MRLN: variants seen among roughly 807,000 people sequenced by gnomAD.
The protein encoded by MRLN is myoregulin, also known as Linc-RNA activator of myogenesis.
intron 1 of MRLN, among the ~76,000 whole-genome samples, chr10:59,741,105 T>C (rs559766391): frequency 6.6e-6 from 1 of 152,242 alleles, no homozygotes; most frequent in African/African-American, 2.4e-5. Context: ...GCCTATTTCT[T>C]TATTCTGAAA....
chr10:59,737,759 T>A (rs996029911), intron 2 of MRLN, among the ~76,000 whole-genome samples: 1 of 152,126 alleles, frequency 6.6e-6, no homozygotes, highest in African/African-American at 2.4e-5. Context: ...TCTGTATTAA[T>A]AAAACAGGTT....
intron 1 of MRLN, among the ~76,000 whole-genome samples, chr10:59,750,806 G>A (rs78151992): frequency 0.017 from 2,581 of 152,334 alleles, 65 homozygotes; most frequent in African/African-American, 0.053. Context: ...CCAACGCAGC[G>A]GTGCCAGCAG....
intron 1 of MRLN, among the ~76,000 whole-genome samples, chr10:59,740,320 C>T (rs374654219): frequency 6.6e-6 from 1 of 151,916 alleles, no homozygotes; most frequent in East Asian, 1.9e-4. Context: ...ATTGACTATA[C>T]TATACTTTTT....
intron 1 of MRLN, among the ~76,000 whole-genome samples, chr10:59,753,136 C>G (rs1439723688): frequency 6.6e-6 from 1 of 152,132 alleles, no homozygotes; most frequent in South Asian, 2.1e-4. Flanking sequence ...AAATCTAATT[C>G]ATTGGTCTCT....
chr10:59,745,767 T>C (rs1180435857), intron 1 of MRLN, among the ~76,000 whole-genome samples: 4 of 152,180 alleles, frequency 2.6e-5, no homozygotes, highest in Non-Finnish European at 5.9e-5. Context: ...CCCTGGTTTC[T>C]AGGAGCTGGA....
At chr10:59,745,112 TA>T (rs910161165) in intron 1 of MRLN, among the ~76,000 whole-genome samples, 19 of 146,234 alleles carry the variant, frequency 1.3e-4, no homozygotes, top group South Asian at 2.2e-4. Context: ...CAATAAATAC[TA>T]AAAAAAAAAT....
intron 1 of MRLN, among the ~76,000 whole-genome samples, chr10:59,751,846 T>C (rs1318099573): frequency 2.0e-5 from 3 of 152,060 alleles, no homozygotes; most frequent in Admixed American, 6.5e-5. Context: ...TCCAATCATA[T>C]TTCCTGAGTT....
intron 1 of MRLN, among the ~76,000 whole-genome samples, chr10:59,740,325 CT>C (rs1459077547): frequency 6.6e-6 from 1 of 151,924 alleles, no homozygotes; most frequent in Non-Finnish European, 1.5e-5. Flanking sequence ...CTATACTATA[CT>C]TTTTATTATT....
intron 1 of MRLN, among the ~76,000 whole-genome samples, chr10:59,746,148 C>G (rs2132592778): frequency 6.6e-6 from 1 of 152,270 alleles, no homozygotes; most frequent in South Asian, 2.1e-4. Flanking sequence ...ATCAGTCACA[C>G]TTCAAAAATA....
At chr10:59,744,528 T>TG (rs1381073713) in intron 1 of MRLN, among the ~76,000 whole-genome samples, 7 of 141,342 alleles carry the variant, frequency 5.0e-5, no homozygotes, top group East Asian at 4.4e-4. Flanking sequence ...GTCTGGGAGG[T>TG]GGGGGAGCGC....
intron 1 of MRLN, among the ~76,000 whole-genome samples, chr10:59,742,657 TCCTTCCTTC>T (rs1177179143): frequency 1.4e-5 from 2 of 146,618 alleles, no homozygotes; most frequent in Non-Finnish European, 3.1e-5. Context: ...TTTCCTTCCT[TCCTTCCTTC>T]CCTTCCTTCC....
Position 59,753,410 on chromosome 10 carries a change from T to C in MRLN, c.-181A>G, listed in dbSNP as rs2070188586. The C allele has an allele frequency of 6.6e-6, 1 of 152,120 alleles. No individual in the cohort carries two copies. The highest frequency in any genetic ancestry group is 6.5e-5 in the Admixed American group (1 of 15,274). The allele number at this position is 152,120 out of a possible 1,614,324, so 9.4% of individuals were successfully genotyped here. On this transcript the variant is annotated 5_prime_UTR_variant, in exon 1 of 3. Transcript: ENST00000414264. ...TCAAGGGAATGATCTCTCTCTTTTA[T>C]GAAAAACACCATATGGTCTTGGTGG...
chr10:59,742,075 C>T (rs531378969), intron 1 of MRLN, among the ~76,000 whole-genome samples: 1 of 152,322 alleles, frequency 6.6e-6, no homozygotes. Context: ...CTTATAACCA[C>T]CCATTACACT....
intron 1 of MRLN, among the ~76,000 whole-genome samples, chr10:59,749,736 C>T (rs1841079948): frequency 6.6e-6 from 1 of 151,818 alleles, no homozygotes; most frequent in African/African-American, 2.4e-5. Context: ...CAGCATGCTG[C>T]CTGACACTCA....
chr10:59,751,143 G>A (rs973140160), intron 1 of MRLN, among the ~76,000 whole-genome samples: 6 of 152,158 alleles, frequency 3.9e-5, no homozygotes, highest in African/African-American at 1.4e-4. Flanking sequence ...CAAGCTGATT[G>A]TTCTTTGGAG....
chr10:59,741,525 G>A (rs140879024), intron 1 of MRLN, among the ~76,000 whole-genome samples: 1 of 152,240 alleles, frequency 6.6e-6, no homozygotes, highest in East Asian at 1.9e-4. Flanking sequence ...TGGGACTACA[G>A]GTGTGTGCCA....
chr10:59,749,633 G>T (rs1020128461), intron 1 of MRLN, among the ~76,000 whole-genome samples: 5 of 151,962 alleles, frequency 3.3e-5, no homozygotes, highest in African/African-American at 1.2e-4. Flanking sequence ...GGCAGAGGTT[G>T]CAGTGAACCG....
At chr10:59,739,878 G>T (rs1456434686) in intron 1 of MRLN, among the ~76,000 whole-genome samples, 2 of 152,100 alleles carry the variant, frequency 1.3e-5, no homozygotes, top group Non-Finnish European at 2.9e-5. Flanking sequence ...TGGATCACAA[G>T]GTCGGGAGTT....
chr10:59,751,893 T>C (rs1841107050), intron 1 of MRLN, among the ~76,000 whole-genome samples: 1 of 152,140 alleles, frequency 6.6e-6, no homozygotes, highest in African/African-American at 2.4e-5. Flanking sequence ...ATTGAGACAA[T>C]CCTTCTTTCT....
Sources: gnomAD v4.1 joint callset for allele counts (sites outside exome capture counted in the v4.1 genomes callset) on GRCh38, gnomAD v4.1.1 for gene constraint, MANE v1.5 for transcripts, NCBI Gene and HGNC (gene_info 2026-07-23, HGNC 2026-07-21) for gene names.